Variants in HYCC1 observed in about 807,000 individuals in gnomAD.
The protein encoded by HYCC1 is hyccin PI4KA lipid kinase complex subunit 1.
At chr7:22,965,962 G>A in the HYCC1 span, among the ~76,000 whole-genome samples, 1 of 152,044 alleles carries the variant, frequency 6.6e-6, no homozygotes, top group South Asian at 2.1e-4. Context: ...TAAAGCTAAG[G>A]AGCATTTATT....
the HYCC1 span, among the ~76,000 whole-genome samples, chr7:22,995,773 T>C: frequency 3.4e-4 from 52 of 152,178 alleles, no homozygotes; most frequent in East Asian, 1.4e-3. Flanking sequence ...TGCTCCCCCA[T>C]TGAGAGTGCA....
the HYCC1 span, chr7:22,939,984 A>G: frequency 6.6e-6 from 1 of 152,226 alleles, no homozygotes; most frequent in Non-Finnish European, 1.5e-5. Context: ...TTATCTTGAT[A>G]TTAACAAAGT....
At chr7:22,900,164 G>A in the HYCC1 span, among the ~76,000 whole-genome samples, 1 of 152,182 alleles carries the variant, frequency 6.6e-6, no homozygotes, top group East Asian at 1.9e-4. Context: ...TTTTTTAAAG[G>A]GGACAGTTTT....
the HYCC1 span, among the ~76,000 whole-genome samples, chr7:22,898,166 G>A: frequency 6.0e-5 from 9 of 151,030 alleles, no homozygotes; most frequent in African/African-American, 1.2e-4. Context: ...CCACCTCAGC[G>A]TCCCAAGTAG....
chr7:22,917,920 T>C, the HYCC1 span, among the ~76,000 whole-genome samples: 2 of 152,154 alleles, frequency 1.3e-5, no homozygotes, highest in Non-Finnish European at 2.9e-5. Context: ...TCCCCAGCTA[T>C]CTCCACCACA....
chr7:22,915,701 C>T, the HYCC1 span, among the ~76,000 whole-genome samples: 3 of 152,154 alleles, frequency 2.0e-5, no homozygotes, highest in African/African-American at 7.2e-5. Flanking sequence ...ACCTACTCTG[C>T]ATTACATTCT....
the HYCC1 span, among the ~76,000 whole-genome samples, chr7:22,924,600 G>C: frequency 6.6e-6 from 1 of 152,236 alleles, no homozygotes; most frequent in Non-Finnish European, 1.5e-5. Flanking sequence ...ACAGCAGTCT[G>C]AGATCAAACT....
At chr7:22,923,832 T>A in the HYCC1 span, among the ~76,000 whole-genome samples, 1 of 151,732 alleles carries the variant, frequency 6.6e-6, no homozygotes, top group African/African-American at 2.4e-5. Context: ...GACAAATTAC[T>A]AGAAGGTACA....
At chr7:22,903,322 T>C in the HYCC1 span, among the ~76,000 whole-genome samples, 2 of 151,980 alleles carry the variant, frequency 1.3e-5, no homozygotes, top group African/African-American at 4.8e-5. Context: ...CAATCTAAAA[T>C]TGACAAACTT....
At chr7:22,936,592 A>G in the HYCC1 span, 1 of 152,254 alleles carries the variant, frequency 6.6e-6, no homozygotes, top group Non-Finnish European at 1.5e-5. Flanking sequence ...CAATATGTTT[A>G]GCTCCCAATT....
the HYCC1 span, among the ~76,000 whole-genome samples, chr7:22,980,627 A>G: frequency 1.3e-5 from 2 of 152,220 alleles, no homozygotes; most frequent in Non-Finnish European, 2.9e-5. Context: ...TAAATTTAGA[A>G]GGAAAATCTT....
At chr7:23,013,172 T>C in the HYCC1 span, among the ~76,000 whole-genome samples, 1 of 152,302 alleles carries the variant, frequency 6.6e-6, no homozygotes, top group Admixed American at 6.5e-5. Context: ...TGGGGGTGTT[T>C]TAATGCAACC....
the HYCC1 span, among the ~76,000 whole-genome samples, chr7:22,918,654 G>A: frequency 3.5e-4 from 53 of 152,236 alleles, 1 homozygote; most frequent in African/African-American, 1.2e-3. Flanking sequence ...TGCCTTAACT[G>A]ATGACATTAC....
At chr7:22,925,097 T>G in the HYCC1 span, among the ~76,000 whole-genome samples, 1 of 151,960 alleles carries the variant, frequency 6.6e-6, no homozygotes, top group African/African-American at 2.4e-5. Flanking sequence ...TCCAGTAAAC[T>G]CCAACAGACC....
the HYCC1 span, among the ~76,000 whole-genome samples, chr7:22,972,474 T>C: frequency 6.6e-6 from 1 of 152,180 alleles, no homozygotes; most frequent in Non-Finnish European, 1.5e-5. Flanking sequence ...TTCAACTTAA[T>C]AGCTGAGCAT....
chr7:22,945,291 T>G, the HYCC1 span: 1 of 442,258 alleles, frequency 2.3e-6, no homozygotes, highest in Non-Finnish European at 4.1e-6. Context: ...CCAACTTGAT[T>G]AGACAACCTG....
At chr7:22,992,980 A>G in the HYCC1 span, among the ~76,000 whole-genome samples, 1 of 152,188 alleles carries the variant, frequency 6.6e-6, no homozygotes, top group Non-Finnish European at 1.5e-5. Flanking sequence ...AAAGCTTAGT[A>G]TAAAACTTAC....
the HYCC1 span, among the ~76,000 whole-genome samples, chr7:22,919,336 C>T: frequency 2.7e-4 from 41 of 152,190 alleles, no homozygotes; most frequent in African/African-American, 9.9e-4. Flanking sequence ...TGAGACCAGC[C>T]TGGCCAACAT....
the HYCC1 span, among the ~76,000 whole-genome samples, chr7:22,907,201 C>T: frequency 6.8e-6 from 1 of 147,722 alleles, no homozygotes; most frequent in Admixed American, 6.9e-5. Context: ...AAAAGAATAA[C>T]GGTATCTAGG....
Sources: gnomAD v4.1 joint callset for allele counts (sites outside exome capture counted in the v4.1 genomes callset) on GRCh38, gnomAD v4.1.1 for gene constraint, MANE v1.5 for transcripts, NCBI Gene and HGNC (gene_info 2026-07-23, HGNC 2026-07-21) for gene names.